CCN4: variants seen among roughly 807,000 people sequenced by gnomAD.
CCN4 encodes CCN family member 4.
A neutral mutation model predicts 36.7 loss-of-function variants in CCN4; 30 were observed. The ratio of observed to expected loss-of-function variants is 0.82; its 90% confidence interval spans 0.61 to 1.11. The LOEUF (loss-of-function observed/expected upper bound fraction) is 1.11, where lower values mean the gene tolerates loss of function less well. Ranked by LOEUF, CCN4 falls within the 50% of genes least tolerant of loss-of-function variation. CCN4 has a pLI of 0.00. For synonymous variants in CCN4, 191 were observed against 195.4 expected, an observed-to-expected ratio of 0.98 and a Z score of 0.19; for missense variants, 505 against 504.9, an observed-to-expected ratio of 1.00 and a Z score of 0.00.
chr8:133,201,290 A>G (rs1853578785), intron 1 of CCN4, among the ~76,000 whole-genome samples: 1 of 152,230 alleles, frequency 6.6e-6, no homozygotes, highest in South Asian at 2.1e-4. Context: ...GATAATCACA[A>G]GGATTAAATT....
chr8:133,213,158 C>T lies in CCN4; in HGVS notation c.349+15C>T, dbSNP rs942115220. 4 of 1,586,726 alleles carry T rather than the reference C, an allele frequency of 2.5e-6. No homozygotes were observed. The highest frequency in any genetic ancestry group is 3.5e-6 in the Non-Finnish European group (4 of 1,158,688). ...AGTGTGTGCACGTAAGTGAGTCCTC[C>T]ATACCTTCTGACCAGCCCCTGAGCA... On this transcript the variant is annotated intron_variant, in intron 2 of 4. Transcript: ENST00000250160.
At chr8:133,209,035 C>T (rs553628801) in intron 1 of CCN4, among the ~76,000 whole-genome samples, 55 of 152,312 alleles carry the variant, frequency 3.6e-4, no homozygotes, top group African/African-American at 1.2e-3. Context: ...TAGGCACCTT[C>T]GTCTCCTCCC....
chr8:133,197,537 C>T (rs552953363), intron 1 of CCN4, among the ~76,000 whole-genome samples: 15 of 152,258 alleles, frequency 9.9e-5, no homozygotes, highest in South Asian at 2.1e-4. Context: ...CCAGCTCTGA[C>T]ATTCCATTAA....
At chr8:133,226,619 G>A (rs1177824433) in intron 4 of CCN4, among the ~76,000 whole-genome samples, 3 of 152,232 alleles carry the variant, frequency 2.0e-5, no homozygotes, top group Non-Finnish European at 2.9e-5. Flanking sequence ...AGCAAAGGTC[G>A]TTAGCTGAGT....
intron 1 of CCN4, among the ~76,000 whole-genome samples, chr8:133,205,621 G>A (rs1234044327): frequency 3.3e-5 from 5 of 152,162 alleles, no homozygotes; most frequent in Admixed American, 6.5e-5. Context: ...AGGATATGGG[G>A]CAGGCTCCTG....
At chr8:133,195,188 G>T (rs1177283588) in intron 1 of CCN4, among the ~76,000 whole-genome samples, 1 of 145,764 alleles carries the variant, frequency 6.9e-6, no homozygotes, top group South Asian at 2.2e-4. Flanking sequence ...TGTGTATGTG[G>T]TGTGTGTGTG....
intron 1 of CCN4, among the ~76,000 whole-genome samples, chr8:133,191,775 C>G (rs1853121158): frequency 6.6e-6 from 1 of 152,162 alleles, no homozygotes; most frequent in South Asian, 2.1e-4. Context: ...ATGTCTAACC[C>G]CAACTGCTGT....
chr8:133,210,156 GCA>G (rs1001853324), intron 1 of CCN4, among the ~76,000 whole-genome samples: 10 of 152,122 alleles, frequency 6.6e-5, no homozygotes, highest in African/African-American at 2.2e-4. Context: ...TGTTTCAGGC[GCA>G]CAGAGAGATG....
At chr8:133,213,190 G>A (rs767540416) in intron 2 of CCN4, 47 bp downstream of exon 2, 1 of 1,561,204 alleles carries the variant, frequency 6.4e-7, no homozygotes, top group Non-Finnish European at 8.7e-7. Context: ...AGCACCCCCA[G>A]CTCTGGCCCC....
chr8:133,194,938 GGT>G (rs944023340), intron 1 of CCN4, among the ~76,000 whole-genome samples: 10 of 143,112 alleles, frequency 7.0e-5, no homozygotes, highest in African/African-American at 1.8e-4. Flanking sequence ...TTGTGTGTGT[GGT>G]GTGTGTGTGG....
At chr8:133,204,774 CG>C (rs1853708081) in intron 1 of CCN4, among the ~76,000 whole-genome samples, 1 of 152,170 alleles carries the variant, frequency 6.6e-6, no homozygotes, top group Non-Finnish European at 1.5e-5. Context: ...AGGCTGGTCT[CG>C]ACCTCCTTGA....
At chr8:133,203,955 C>G (rs143054457) in intron 1 of CCN4, among the ~76,000 whole-genome samples, 12 of 152,304 alleles carry the variant, frequency 7.9e-5, no homozygotes, top group African/African-American at 2.9e-4. Flanking sequence ...TGAAATACAC[C>G]ATAATAATCA....
At chr8:133,213,971 C>CACTATATATAGTTATATATACTATATATA (rs1554742885) in intron 2 of CCN4, among the ~76,000 whole-genome samples, 124 of 4,074 alleles carry the variant, frequency 0.03, 1 homozygote, top group Non-Finnish European at 0.079. Context: ...ACTATATATA[C>CACTATATATAGTTATATATACTATATATA]ACTATATATA....
chr8:133,193,303 A>G (rs749158885), intron 1 of CCN4, among the ~76,000 whole-genome samples: 4 of 152,240 alleles, frequency 2.6e-5, no homozygotes, highest in Non-Finnish European at 5.9e-5. Flanking sequence ...ACTTTGAGGA[A>G]GTAGAGTTAC....
intron 2 of CCN4, among the ~76,000 whole-genome samples, chr8:133,218,667 C>T (rs955649168): frequency 1.3e-5 from 2 of 152,162 alleles, no homozygotes; most frequent in Admixed American, 1.3e-4. Flanking sequence ...ACTGCAGATT[C>T]CAAACTGCTT....
chr8:133,211,086 G>T (rs1184890147), intron 1 of CCN4, among the ~76,000 whole-genome samples: 1 of 152,218 alleles, frequency 6.6e-6, no homozygotes, highest in African/African-American at 2.4e-5. Flanking sequence ...AGCCTAGTCA[G>T]ACTAATTCAG....
chr8:133,220,531 A>G (rs756038753), intron 2 of CCN4, 50 bp from the exon 3 acceptor site: 24 of 1,591,644 alleles, frequency 1.5e-5, no homozygotes, highest in South Asian at 8.9e-5. Context: ...CAGCTGGGCC[A>G]GCCAGGGGCA....
Position 133,229,427 on chromosome 8 carries a change from G to A in CCN4, c.*1717G>A, listed in dbSNP as rs924608998. On this transcript the variant is annotated 3_prime_UTR_variant, in exon 5 of 5. Coordinates refer to ENST00000250160, the MANE Select transcript of CCN4 (RefSeq NM_003882.4). ...GGTGCTTAAGCATCCAAAATACATG[G>A]GACACACAAAAATCCAGGAATCCCC... 1 of 152,088 alleles carries A rather than the reference G, an allele frequency of 6.6e-6. No homozygotes were observed. Among genetic ancestry groups the A allele is most frequent in the Admixed American group, 6.6e-5 (1 of 15,266 alleles). 9.4% of individuals were successfully genotyped at this position (152,088 alleles called of 1,614,324 possible). A position where few individuals can be genotyped will look rare whatever the true frequency, so the allele number is the denominator to read the frequency against.
At chr8:133,204,681 A>G (rs1457298609) in intron 1 of CCN4, among the ~76,000 whole-genome samples, 1 of 152,218 alleles carries the variant, frequency 6.6e-6, no homozygotes, top group Non-Finnish European at 1.5e-5. Context: ...CAGCCTCCTG[A>G]GCAGCTGGAA....
Sources: gnomAD v4.1 joint callset for allele counts (sites outside exome capture counted in the v4.1 genomes callset) on GRCh38, gnomAD v4.1.1 for gene constraint, MANE v1.5 for transcripts, NCBI Gene and HGNC (gene_info 2026-07-23, HGNC 2026-07-21) for gene names.